Variants in PRR5L observed in about 807,000 individuals in gnomAD.
The protein encoded by PRR5L is proline rich 5 like.
Under a neutral mutation model 36.4 loss-of-function variants are expected in PRR5L, and 21 were observed. That is an observed-to-expected ratio of 0.58 (90% CI 0.41 to 0.83). The LOEUF is 0.83. Among genes scored for constraint, PRR5L ranks in the 40% least tolerant of loss-of-function variants. The pLI is 0.00. For missense variants in PRR5L, 381 were observed against 473.3 expected, an observed-to-expected ratio of 0.80 and a Z score of 1.81; for synonymous variants, 188 against 197.0, an observed-to-expected ratio of 0.95 and a Z score of 0.38.
chr11:36,303,480 A>G (rs1856398424), intron 1 of PRR5L, among the ~76,000 whole-genome samples: 1 of 152,340 alleles, frequency 6.6e-6, no homozygotes, highest in Admixed American at 6.5e-5. Context: ...CACCCAACCT[A>G]CATATCTCTT....
intron 7 of PRR5L, among the ~76,000 whole-genome samples, chr11:36,450,120 G>A (rs1489895905): frequency 2.0e-5 from 3 of 152,160 alleles, no homozygotes; most frequent in African/African-American, 7.2e-5. Context: ...GGCCAAGGAA[G>A]AGCCTGTTTC....
At chr11:36,435,688 G>A (rs554219743) in intron 5 of PRR5L, among the ~76,000 whole-genome samples, 43 of 152,294 alleles carry the variant, frequency 2.8e-4, no homozygotes, top group Non-Finnish European at 5.0e-4. Flanking sequence ...CTCCTGGGCT[G>A]TGTAGATCAT....
intron 1 of PRR5L, among the ~76,000 whole-genome samples, chr11:36,308,183 C>T (rs375853916): frequency 7.9e-5 from 12 of 152,218 alleles, no homozygotes; most frequent in African/African-American, 2.9e-4. Flanking sequence ...ATGTATCCAG[C>T]ATTGGTAGAG....
At chr11:36,405,109 G>A (rs1219942722) in intron 3 of PRR5L, among the ~76,000 whole-genome samples, 2 of 152,258 alleles carry the variant, frequency 1.3e-5, no homozygotes, top group East Asian at 1.9e-4. Flanking sequence ...GCTGGGAGAG[G>A]TACAGGTCAA....
chr11:36,361,875 A>G (rs901705121), intron 1 of PRR5L, among the ~76,000 whole-genome samples: 9 of 152,150 alleles, frequency 5.9e-5, no homozygotes, highest in Admixed American at 4.6e-4. Flanking sequence ...AGAGATCGCG[A>G]GCCTCTCTTC....
At chr11:36,457,127 C>T (rs1025516155) in intron 8 of PRR5L, among the ~76,000 whole-genome samples, 1 of 152,240 alleles carries the variant, frequency 6.6e-6, no homozygotes, top group South Asian at 2.1e-4. Context: ...GACGAATTCT[C>T]ATTTCCTACA....
chr11:36,426,250 G>C (rs1475773431), intron 4 of PRR5L: 1 of 152,274 alleles, frequency 6.6e-6, no homozygotes, highest in Non-Finnish European at 1.5e-5. Context: ...CCTTCTGCCA[G>C]TAGGTCTGGG....
chr11:36,370,255 C>T (rs79985690), intron 1 of PRR5L, among the ~76,000 whole-genome samples: 17,898 of 152,192 alleles, frequency 0.12, 1,178 homozygotes, highest in East Asian at 0.2. Context: ...TCTTCTGTTT[C>T]CATAAATGCC....
chr11:36,414,623 G>A (rs1049657958), intron 3 of PRR5L, among the ~76,000 whole-genome samples: 3 of 140,910 alleles, frequency 2.1e-5, no homozygotes, highest in African/African-American at 8.1e-5. Flanking sequence ...CCCTTTGTCA[G>A]ATGAGTAGGT....
At chr11:36,354,205 C>T (rs1857003570) in intron 1 of PRR5L, among the ~76,000 whole-genome samples, 1 of 152,104 alleles carries the variant, frequency 6.6e-6, no homozygotes, top group Non-Finnish European at 1.5e-5. Context: ...GAAGACGAAA[C>T]AAAAATAAGA....
At chr11:36,433,326 G>A (rs1858538921) in intron 5 of PRR5L, among the ~76,000 whole-genome samples, 1 of 151,974 alleles carries the variant, frequency 6.6e-6, no homozygotes, top group Non-Finnish European at 1.5e-5. Context: ...ACTAATCTAG[G>A]CGTCTTATAA....
chr11:36,358,363 A>G (rs1254413659), intron 1 of PRR5L, among the ~76,000 whole-genome samples: 1 of 152,140 alleles, frequency 6.6e-6, no homozygotes, highest in Admixed American at 6.6e-5. Flanking sequence ...TTCAGCACCC[A>G]CCACCCTGAC....
chr11:36,427,390 G>A (rs190030265), intron 4 of PRR5L, among the ~76,000 whole-genome samples: 2 of 152,178 alleles, frequency 1.3e-5, no homozygotes, highest in Non-Finnish European at 2.9e-5. Context: ...TCTTCTGCCT[G>A]GGGAGGTGGT....
chr11:36,417,240 G>T (rs1858164038), intron 3 of PRR5L, among the ~76,000 whole-genome samples: 1 of 152,200 alleles, frequency 6.6e-6, no homozygotes, highest in African/African-American at 2.4e-5. Context: ...TGTGCGCAAA[G>T]CTTGGCTTCT....
chr11:36,462,824 CT>C lies in PRR5L; in HGVS notation c.*91del. On this transcript the variant is annotated 3_prime_UTR_variant, in exon 9 of 9. Transcript: ENST00000530639. Reference sequence around the variant, plus strand: ...CGTGGATTACTGAGGGGGGCTCTTGCTTTATGCGATGCTGCCTTATTTCCTT... The same window carrying C: ...CGTGGATTACTGAGGGGGGCTCTTGCTTATGCGATGCTGCCTTATTTCCTT... 8.0e-7 allele frequency: 1 copy of C among 1,251,596 alleles called. No homozygotes were observed. The highest frequency in any genetic ancestry group is 1.1e-6 in the Non-Finnish European group (1 of 916,902). 77.5% of individuals were successfully genotyped at this position (1,251,596 alleles called of 1,614,324 possible). A position where few individuals can be genotyped will look rare whatever the true frequency, so the allele number is the denominator to read the frequency against.
intron 1 of PRR5L, among the ~76,000 whole-genome samples, chr11:36,302,312 C>A (rs1236292287): frequency 6.6e-6 from 1 of 152,118 alleles, no homozygotes; most frequent in Non-Finnish European, 1.5e-5. Context: ...GAGGGAACAG[C>A]CTGTGTGTAG....
In PRR5L at chr11:36,404,284, T is replaced by TTTGTTTTTG. The variant is rs1564938242; in HGVS notation, c.245+908_245+909insGTTTTTGTT. ...CCATCAGGTCTTTTTTTTTTTTTTTTTTTTTTAAACGGAGTCTTGCTCTGT... is the reference window on the plus strand; with the variant it reads ...CCATCAGGTCTTTTTTTTTTTTTTTTTTGTTTTTGTTTTTTAAACGGAGTCTTGCTCTGT... On this transcript the variant is annotated intron_variant, in intron 3 of 8. Coordinates refer to ENST00000530639, the MANE Select transcript of PRR5L (RefSeq NM_001160167.2). Among the ~76,000 whole-genome samples the TTTGTTTTTG allele has an allele frequency of 1.1e-3, 165 of 151,474 alleles. 2 individuals carry two copies. Among genetic ancestry groups the TTTGTTTTTG allele is most frequent in the African/African-American group, 3.8e-3 (158 of 41,252 alleles).
At chr11:36,449,528 T>C (rs998715959) in intron 7 of PRR5L, among the ~76,000 whole-genome samples, 3 of 152,230 alleles carry the variant, frequency 2.0e-5, no homozygotes, top group South Asian at 2.1e-4. Context: ...ATCGGAGATA[T>C]TGACCACTGT....
intron 1 of PRR5L, among the ~76,000 whole-genome samples, chr11:36,358,835 A>G (rs913839411): frequency 1.3e-5 from 2 of 152,242 alleles, no homozygotes; most frequent in South Asian, 4.1e-4. Context: ...GGATGAAGAT[A>G]CTGAAGAGGA....
Sources: gnomAD v4.1 joint callset for allele counts (sites outside exome capture counted in the v4.1 genomes callset) on GRCh38, gnomAD v4.1.1 for gene constraint, MANE v1.5 for transcripts, NCBI Gene and HGNC (gene_info 2026-07-23, HGNC 2026-07-21) for gene names.